The following RBFOX3 variants were observed in gnomAD, a reference collection of about 807,000 sequenced individuals.
The protein encoded by RBFOX3 is RNA binding fox-1 homolog 3, also known as RNA binding protein fox-1 homolog 3.
In RBFOX3, 17 loss-of-function variants were observed where a neutral mutation model predicts 48.7. The ratio of observed to expected loss-of-function variants is 0.35; its 90% CI spans 0.24 to 0.52. The LOEUF is 0.52. RBFOX3 is among the 20% of genes least tolerant of loss of function. RBFOX3 has a pLI of 0.94. For missense variants in RBFOX3, 382 were observed against 497.5 expected, an observed-to-expected ratio of 0.77 and a Z score of 2.21; for synonymous variants, 212 against 209.5, an observed-to-expected ratio of 1.01 and a Z score of -0.10.
intron 4 of RBFOX3, among the ~76,000 whole-genome samples, chr17:79,160,196 G>C (rs1029254868): frequency 6.6e-6 from 1 of 152,208 alleles, no homozygotes; most frequent in Non-Finnish European, 1.5e-5. Context: ...AAATCCATGT[G>C]TGATTCATGA....
intron 1 of RBFOX3, among the ~76,000 whole-genome samples, chr17:79,541,501 T>A (rs1210102685): frequency 6.6e-6 from 1 of 152,124 alleles, no homozygotes; most frequent in African/African-American, 2.4e-5. Context: ...CGGCAGCGGG[T>A]CCGCCTGTCC....
chr17:79,450,051 G>A (rs1477009618), intron 2 of RBFOX3, among the ~76,000 whole-genome samples: 1 of 152,114 alleles, frequency 6.6e-6, no homozygotes, highest in Non-Finnish European at 1.5e-5. Context: ...CAGAAAGAGA[G>A]ACCGTGGAAC....
At chr17:79,256,948 CAA>C (rs10713719) in intron 3 of RBFOX3, among the ~76,000 whole-genome samples, 12 of 131,860 alleles carry the variant, frequency 9.1e-5, no homozygotes, top group South Asian at 2.4e-4. Flanking sequence ...CAAAACAAAA[CAA>C]AAAAAAAACA....
intron 4 of RBFOX3, among the ~76,000 whole-genome samples, chr17:79,139,851 G>A (rs1395549742): frequency 6.6e-6 from 1 of 152,218 alleles, no homozygotes; most frequent in Non-Finnish European, 1.5e-5. Flanking sequence ...TGCCCGGGGA[G>A]GACGTCTTGC....
intron 1 of RBFOX3, among the ~76,000 whole-genome samples, chr17:79,552,843 A>G (rs2091283582): frequency 6.6e-6 from 1 of 152,252 alleles, no homozygotes; most frequent in Non-Finnish European, 1.5e-5. Flanking sequence ...AGATACATAT[A>G]TACATATGGA....
intron 1 of RBFOX3, among the ~76,000 whole-genome samples, chr17:79,485,995 A>C (rs1376069116): frequency 6.6e-6 from 1 of 152,254 alleles, no homozygotes. Flanking sequence ...ACACGGGCCT[A>C]TGGCCCCCTC....
intron 4 of RBFOX3, among the ~76,000 whole-genome samples, chr17:79,117,788 C>T (rs2034502883): frequency 6.6e-6 from 1 of 152,224 alleles, no homozygotes; most frequent in Non-Finnish European, 1.5e-5. Flanking sequence ...GCTGTGTTGA[C>T]AGCAACCCCG....
chr17:79,173,873 TAC>T (rs1453386072), intron 4 of RBFOX3, among the ~76,000 whole-genome samples: 1 of 140,318 alleles, frequency 7.1e-6, no homozygotes, highest in Non-Finnish European at 1.5e-5. Context: ...CCACGCTGAG[TAC>T]AGAGCTTTGC....
intron 2 of RBFOX3, among the ~76,000 whole-genome samples, chr17:79,348,334 T>C (rs373805901): frequency 7.1e-4 from 108 of 152,284 alleles, no homozygotes; most frequent in African/African-American, 2.4e-3. Context: ...GGAGCTGGGC[T>C]AAGTAAGAAC....
chr17:79,611,131 T>C (rs1461923053), upstream of RBFOX3, among the ~76,000 whole-genome samples: 6 of 2,004 alleles, frequency 3.0e-3, no homozygotes, highest in Non-Finnish European at 0.021. Flanking sequence ...CCGCCCTCCT[T>C]CTCTCTCTCT....
chr17:79,220,309 C>G lies in RBFOX3; in HGVS notation c.-34+15457G>C, dbSNP rs1365551845. 1.3e-5 allele frequency among the ~76,000 whole-genome samples: 2 copies of G among 152,332 alleles called. No individual in the cohort carries two copies. Among genetic ancestry groups the G allele is most frequent in the East Asian group, 1.9e-4 (1 of 5,184 alleles). ...GGGGTAGGGGCTTGGTCCCCCAACG[C>G]TGGCACTCAGTTTAGCTGTCACTTG... On this transcript the variant is annotated intron_variant, in intron 4 of 14. Coordinates refer to ENST00000693108, the MANE Select transcript of RBFOX3 (RefSeq NM_001350451.2). The surrounding 1 kb of genome is among the most constrained non-coding windows in gnomAD (Gnocchi z 5.9).
intron 4 of RBFOX3, among the ~76,000 whole-genome samples, chr17:79,135,639 C>T (rs944709742): frequency 4.6e-5 from 7 of 152,182 alleles, no homozygotes; most frequent in African/African-American, 1.7e-4. Flanking sequence ...GTGGCATGTC[C>T]CATCCCACCC....
chr17:79,610,155 C>T (rs886396648), intron 1 of RBFOX3, among the ~76,000 whole-genome samples: 34 of 152,146 alleles, frequency 2.2e-4, no homozygotes, highest in Middle Eastern at 6.8e-3. Flanking sequence ...CACCGCGGTG[C>T]TGCGGGCCCC....
chr17:79,235,114 T>C (rs549580751), intron 4 of RBFOX3: 1 of 152,236 alleles, frequency 6.6e-6, no homozygotes, highest in African/African-American at 2.4e-5. Context: ...TCCAGAAGCA[T>C]CATACTTGTA....
intron 1 of RBFOX3, among the ~76,000 whole-genome samples, chr17:79,586,291 G>T (rs1282482921): frequency 5.3e-5 from 8 of 152,230 alleles, no homozygotes; most frequent in African/African-American, 1.9e-4. Flanking sequence ...GAGTGAGCCT[G>T]CTGGAGAAGG....
chr17:79,513,978 A>G (rs1202033370), intron 1 of RBFOX3, among the ~76,000 whole-genome samples: 21 of 152,318 alleles, frequency 1.4e-4, no homozygotes, highest in African/African-American at 5.1e-4. Flanking sequence ...CACCATGGGC[A>G]TGTGACCAGA....
At chr17:79,288,487 G>C (rs1003245239) in intron 3 of RBFOX3, among the ~76,000 whole-genome samples, 3 of 149,528 alleles carry the variant, frequency 2.0e-5, no homozygotes, top group Non-Finnish European at 4.5e-5. Flanking sequence ...GCCCCCCCCA[G>C]CCCGGCTTCC....
chr17:79,548,544 G>A (rs571050833), intron 1 of RBFOX3, among the ~76,000 whole-genome samples: 2 of 152,334 alleles, frequency 1.3e-5, no homozygotes, highest in South Asian at 4.1e-4. Context: ...TGAACTAAGA[G>A]GCTGTCTCAG....
chr17:79,128,746 C>A (rs904826114), intron 4 of RBFOX3, among the ~76,000 whole-genome samples: 1 of 152,188 alleles, frequency 6.6e-6, no homozygotes, highest in African/African-American at 2.4e-5. Context: ...TGTGCCAGGA[C>A]GGGCAGCTCA....
Sources: gnomAD v4.1 joint callset for allele counts (sites outside exome capture counted in the v4.1 genomes callset) on GRCh38, gnomAD v4.1.1 for gene constraint, Gnocchi (gnomAD v3.1) non-coding constraint, MANE v1.5 for transcripts, NCBI Gene and HGNC (gene_info 2026-07-23, HGNC 2026-07-21) for gene names.